The following DCAF7 variants were observed in gnomAD, a reference collection of about 807,000 sequenced individuals.
The protein encoded by DCAF7 is DDB1- and CUL4-associated factor 7.
Under a neutral mutation model 41.2 loss-of-function variants are expected in DCAF7, and 4 were observed. The ratio of observed to expected loss-of-function variants is 0.10; its 90% CI spans 0.05 to 0.22. The LOEUF (loss-of-function observed/expected upper bound fraction) is 0.22, where lower values mean the gene tolerates loss of function less well. Among genes scored for constraint, DCAF7 ranks in the 10% least tolerant of loss-of-function variants. DCAF7 has a pLI of 1.00. For synonymous variants in DCAF7, 143 were observed against 164.2 expected, an observed-to-expected ratio of 0.87 and a Z score of 0.99; for missense variants, 131 against 443.2, an observed-to-expected ratio of 0.30 and a Z score of 6.32.
intron 1 of DCAF7, among the ~76,000 whole-genome samples, chr17:63,563,007 G>A (rs2033400841): frequency 6.6e-6 from 1 of 151,602 alleles, no homozygotes; most frequent in South Asian, 2.1e-4. Flanking sequence ...TTTATTTTTT[G>A]TAGAGATGGG....
At chr17:63,569,180 G>T (rs2033477762) in intron 1 of DCAF7, among the ~76,000 whole-genome samples, 1 of 152,148 alleles carries the variant, frequency 6.6e-6, no homozygotes, top group South Asian at 2.1e-4. Context: ...CTAACATAGA[G>T]CTGTGGTCCA....
chr17:63,562,677 A>G (rs145512107), intron 1 of DCAF7, among the ~76,000 whole-genome samples: 3,043 of 130,138 alleles, frequency 0.023, 118 homozygotes, highest in African/African-American at 0.078. Flanking sequence ...TCCCAGTGCT[A>G]TCCCTCCCCC....
intron 5 of DCAF7, 34 bp downstream of exon 5, chr17:63,583,745 C>T (rs2033648768): frequency 3.1e-6 from 5 of 1,599,920 alleles, no homozygotes; most frequent in Admixed American, 1.7e-5. Flanking sequence ...ATGGGCCCTG[C>T]CTAACTCCAG....
rs192664086 is a variant in DCAF7 at position 63,572,011 on chromosome 17, A to G, written c.139-6459A>G. Among the ~76,000 whole-genome samples the G allele has an allele frequency of 2.4e-4, 36 of 152,226 alleles. 1 individual carries two copies. The East Asian group carries it at 6.4e-3, about 27-fold the overall frequency. On this transcript the variant is annotated intron_variant, in intron 1 of 6. Transcript: ENST00000614556. ...TAAGGCATTTACTAAGTGAAATAGC[A>G]TAAGACAGTAATGTCAGTGCTTTCA... is the stretch of plus-strand genomic sequence containing the variant.
At position 63,588,189 on chromosome 17, in the gene DCAF7, A is replaced by ATTTTTTTTTTT. The variant is rs377638787; in HGVS notation, c.857-805_857-795dup. The stretch of plus-strand genomic sequence containing the variant: ...GTGTTTCCCATAGCTATTTTCTTGG[A>ATTTTTTTTTTT]TTTTTTTTTTTTTTTTGAGATGAAG... On this transcript the variant is annotated intron_variant, in intron 6 of 6. Coordinates refer to ENST00000614556, the MANE Select transcript of DCAF7 (RefSeq NM_005828.5). Among the ~76,000 whole-genome samples the ATTTTTTTTTTT allele has an allele frequency of 5.4e-3, 652 of 120,134 alleles. 70 individuals are homozygous for ATTTTTTTTTTT. Among genetic ancestry groups the ATTTTTTTTTTT allele is most frequent in the African/African-American group, 0.025 (621 of 25,328 alleles). The allele number at this position is 120,134 out of a possible 152,430, so 78.8% of individuals were successfully genotyped here. A position where few individuals can be genotyped will look rare whatever the true frequency, so the allele number is the denominator to read the frequency against.
At chr17:63,574,763 A>G (rs911558048) in intron 1 of DCAF7, among the ~76,000 whole-genome samples, 1 of 152,234 alleles carries the variant, frequency 6.6e-6, no homozygotes, top group Non-Finnish European at 1.5e-5. Context: ...ACTTGAGCCC[A>G]GGAGTTCAAG....
rs949568876 is a variant in DCAF7 at position 63,592,558 on chromosome 17, G to C, written c.*3386G>C. 1.3e-5 allele frequency: 2 copies of C among 152,204 alleles called. No individual in the cohort carries two copies. The highest frequency in any genetic ancestry group is 2.4e-5 in the African/African-American group (1 of 41,442). 9.4% of individuals were successfully genotyped at this position (152,204 alleles called of 1,614,324 possible). A position where few individuals can be genotyped will look rare whatever the true frequency, so the allele number is the denominator to read the frequency against. On this transcript the variant is annotated 3_prime_UTR_variant, in exon 7 of 7. Coordinates refer to ENST00000614556, the MANE Select transcript of DCAF7 (RefSeq NM_005828.5). ...GGCCAAAATTTTAGGAGGAGATGTA[G>C]GATGCAGGAGAAAATTAAAGTGTTT...
intron 1 of DCAF7, among the ~76,000 whole-genome samples, chr17:63,566,833 G>C (rs1172811781): frequency 8.5e-5 from 13 of 152,202 alleles, no homozygotes; most frequent in Admixed American, 8.5e-4. Context: ...AGGATCGCCT[G>C]AGCCTGGGAG....
At chr17:63,554,651 CAATA>C (rs2033292667) in intron 1 of DCAF7, among the ~76,000 whole-genome samples, 1 of 152,162 alleles carries the variant, frequency 6.6e-6, no homozygotes, top group African/African-American at 2.4e-5. Flanking sequence ...AAAATTAGGG[CAATA>C]AATAATAACA....
At position 63,578,490 on chromosome 17, in the gene DCAF7, T is replaced by C. The variant is rs764410912; in HGVS notation, c.159T>C (p.Asp53=). 6.2e-7 allele frequency: 1 copy of C among 1,614,040 alleles called. No homozygotes were observed. The highest frequency in any genetic ancestry group is 8.5e-7 in the Non-Finnish European group (1 of 1,179,882). Residue 53 remains aspartate, a synonymous_variant, in exon 2 of 7, where the codon GAT becomes GAC. Transcript: ENST00000614556. ...TACAGGTTCAGCTTGTTGGTTTAGA[T>C]GAGGAGAGTTCAGAGTTTATTTGCA... ...YNNKVQLVGL[D]EESSEFICRN...
chr17:63,551,005 T>C (rs1057146028), intron 1 of DCAF7, among the ~76,000 whole-genome samples, 190 bp downstream of exon 1: 1 of 152,246 alleles, frequency 6.6e-6, no homozygotes, highest in African/African-American at 2.4e-5. Context: ...GGCAGCATTC[T>C]TGTGTAGTCG....
At chr17:63,576,631 T>A (rs1278672790) in intron 1 of DCAF7, among the ~76,000 whole-genome samples, 3 of 152,002 alleles carry the variant, frequency 2.0e-5, no homozygotes, top group Middle Eastern at 3.2e-3. Flanking sequence ...ACATAAAAAA[T>A]TTTTTGGGTG....
intron 1 of DCAF7, among the ~76,000 whole-genome samples, chr17:63,577,463 C>T (rs369172438): frequency 1.3e-5 from 2 of 152,140 alleles, no homozygotes; most frequent in African/African-American, 4.8e-5. Flanking sequence ...CAGTTAGTGT[C>T]CCATTGAGCC....
intron 1 of DCAF7, among the ~76,000 whole-genome samples, chr17:63,559,429 A>ATG (rs1469124112): frequency 1.9e-5 from 2 of 107,218 alleles, no homozygotes; most frequent in African/African-American, 1.1e-4. Context: ...ACGTATATAT[A>ATG]TATGTGTGTG....
At chr17:63,564,048 A>G (rs1328062425) in intron 1 of DCAF7, among the ~76,000 whole-genome samples, 1 of 152,106 alleles carries the variant, frequency 6.6e-6, no homozygotes, top group African/African-American at 2.4e-5. Flanking sequence ...CTTAATGTAT[A>G]TATGTTTGAC....
intron 4 of DCAF7, 48 bp downstream of exon 4, chr17:63,579,991 T>A: frequency 7.1e-7 from 1 of 1,407,290 alleles, no homozygotes; most frequent in Non-Finnish European, 1.0e-6. Context: ...TCCTGTGCCT[T>A]CCGCACAGGA....
intron 3 of DCAF7, 29 bp downstream of exon 3, chr17:63,579,477 G>A: frequency 9.9e-6 from 15 of 1,515,304 alleles, no homozygotes; most frequent in Non-Finnish European, 1.4e-5. Flanking sequence ...ATGTATTTCA[G>A]CTGGAAGAAG....
At position 63,591,295 on chromosome 17, in the gene DCAF7, T is replaced by C. The variant is rs1598040405; in HGVS notation, c.*2123T>C. The C allele has an allele frequency of 1.3e-5, 2 of 152,130 alleles. No homozygotes were observed. Among genetic ancestry groups the C allele is most frequent in the Non-Finnish European group, 2.9e-5 (2 of 68,048 alleles). 9.4% of individuals were successfully genotyped at this position (152,130 alleles called of 1,614,324 possible). ...GAGTTCTAAGATTCCTTTCCTGATCTGCACCTACGCCTGGTCTGTATGGTG... is the reference window on the plus strand; with the variant it reads ...GAGTTCTAAGATTCCTTTCCTGATCCGCACCTACGCCTGGTCTGTATGGTG... On this transcript the variant is annotated 3_prime_UTR_variant, in exon 7 of 7. Coordinates refer to ENST00000614556, the MANE Select transcript of DCAF7 (RefSeq NM_005828.5).
At position 63,551,251 on chromosome 17, in the gene DCAF7, A is replaced by G. The variant is rs575029595; in HGVS notation, c.138+436A>G. 7.9e-5 allele frequency among the ~76,000 whole-genome samples: 12 copies of G among 151,984 alleles called. No individual in the cohort carries two copies. In the East Asian group the frequency reaches 1.9e-3, roughly 25 times the overall value. On this transcript the variant is annotated intron_variant, in intron 1 of 6. Coordinates refer to ENST00000614556, the MANE Select transcript of DCAF7 (RefSeq NM_005828.5). ...TATTGGTGGTCGTGCACTCCTGGCC[A>G]CACTAGATTTCTATTAAGACGATCT...
Sources: gnomAD v4.1 joint callset for allele counts (sites outside exome capture counted in the v4.1 genomes callset) on GRCh38, gnomAD v4.1.1 for gene constraint, MANE v1.5 for transcripts, NCBI Gene and HGNC (gene_info 2026-07-23, HGNC 2026-07-21) for gene names.